The following KIAA0232 variants were observed in gnomAD, a reference collection of about 807,000 sequenced individuals.
KIAA0232 encodes the protein uncharacterized protein KIAA0232.
In KIAA0232, 27 loss-of-function variants were observed where a neutral mutation model predicts 122.0. The ratio of observed to expected loss-of-function variants is 0.22; its 90% CI spans 0.16 to 0.31. The LOEUF (loss-of-function observed/expected upper bound fraction) is 0.31. Among genes scored for constraint, KIAA0232 ranks in the 10% least tolerant of loss-of-function variants. The probability of loss-of-function intolerance (pLI) is 1.00; values close to 1 mark genes in which losing one functional copy is unlikely to be tolerated. For missense variants in KIAA0232, 1,551 were observed against 1,634.2 expected (o/e 0.95, Z 0.88); for synonymous variants, 613 against 587.6 (o/e 1.04, Z -0.63).
In KIAA0232 at chr4:6,861,842, C is replaced by T; in HGVS notation, c.1460C>T (p.Ser487Leu). 1 of 1,614,006 alleles carries T rather than the reference C, an allele frequency of 6.2e-7. No individual in the cohort carries two copies. The highest frequency in any genetic ancestry group is 8.5e-7 in the Non-Finnish European group (1 of 1,179,972). The change falls in exon 7 of 10, where the codon TCA becomes TTA. Residue 487 changes from serine to leucine, a missense_variant. Ser to Leu is a moderately radical substitution (Grantham distance 145). Transcript: ENST00000307659. The part of the protein sequence containing the change: ...INEDIDLTGT[S>L]LCSLPEDNKY... ...GAGGATATTGACCTCACTGGGACCT[C>T]ATTATGTTCTCTACCAGAGGACAAT...
At chr4:6,841,828 C>G in intron 3 of KIAA0232, among the ~76,000 whole-genome samples, 1 of 152,122 alleles carries the variant, frequency 6.6e-6, no homozygotes, top group East Asian at 1.9e-4. Flanking sequence ...AGAAAACATC[C>G]CATGTTTGTG....
At chr4:6,860,837 G>T (rs1041870360) in intron 6 of KIAA0232, 64 bp from the exon 7 acceptor site, 2 of 1,375,868 alleles carry the variant, frequency 1.5e-6, no homozygotes, top group African/African-American at 2.9e-5. Context: ...GGTTGGTAAT[G>T]TTGTTTTACT....
chr4:6,825,784 AAAG>A (rs909883887), intron 3 of KIAA0232, among the ~76,000 whole-genome samples: 2 of 152,146 alleles, frequency 1.3e-5, no homozygotes, highest in Non-Finnish European at 2.9e-5. Context: ...TAGACAGTAA[AAAG>A]AAGGAGGTAT....
Position 6,828,184 on chromosome 4 carries a change from C to T in KIAA0232, c.231+3500C>T, listed in dbSNP as rs372794337. On this transcript the variant is annotated intron_variant, in intron 3 of 9. Coordinates refer to ENST00000307659, the MANE Select transcript of KIAA0232 (RefSeq NM_014743.3). ...TTAATCTTTTTTAAAAAAGTTTAAC[C>T]AGCCTGGGCAACATAGTGAGACTCC... Among the ~76,000 whole-genome samples, 6 of 151,978 alleles carry T rather than the reference C, an allele frequency of 3.9e-5. No individual in the cohort carries two copies. In the East Asian group the frequency reaches 5.8e-4, roughly 15 times the overall value.
rs538585151 is a variant in KIAA0232 at position 6,872,444 on chromosome 4, G to A, written c.3910+762G>A. 1.2e-4 allele frequency among the ~76,000 whole-genome samples: 18 copies of A among 152,286 alleles called. No individual in the cohort carries two copies. In the South Asian group the frequency reaches 1.2e-3, roughly 11 times the overall value. ...GGGAGACAGGAGTGGGCGCTGATGCGGTGAGGAAGATTTTAGTTTAGGGTA... is the reference window on the plus strand; with the variant it reads ...GGGAGACAGGAGTGGGCGCTGATGCAGTGAGGAAGATTTTAGTTTAGGGTA... On this transcript the variant is annotated intron_variant, in intron 8 of 9. Coordinates refer to ENST00000307659, the MANE Select transcript of KIAA0232 (RefSeq NM_014743.3).
At position 6,871,643 on chromosome 4, in the gene KIAA0232, G is replaced by C; in HGVS notation, c.3871G>C (p.Ala1291Pro). 6.2e-7 allele frequency: 1 copy of C among 1,612,370 alleles called. No individual in the cohort carries two copies. The highest frequency in any genetic ancestry group is 8.5e-7 in the Non-Finnish European group (1 of 1,178,408). ...SQEKQTWWEK[A>P]LYSPLFPASE... ...AGAAAAACAGACCTGGTGGGAAAAA[G>C]CCTTGTACTCTCCTCTTTTTCCTGC... The change falls in exon 8 of 10, where the codon GCC (alanine) becomes CCC (proline). Residue 1291 changes from alanine to proline, a missense_variant. Physicochemically the swap from Ala to Pro is conservative, Grantham distance 27. This residue lies in a region of KIAA0232 where 1,108 missense variants were observed against 1,154.8 expected (regional missense o/e 0.96). Coordinates refer to ENST00000307659, the MANE Select transcript of KIAA0232 (RefSeq NM_014743.3).
chr4:6,837,905 A>G (rs1719414930), intron 3 of KIAA0232, among the ~76,000 whole-genome samples: 1 of 114,048 alleles, frequency 8.8e-6, no homozygotes, highest in Non-Finnish European at 2.2e-5. Flanking sequence ...GAGACCGTGC[A>G]AAGGGGAGAG....
chr4:6,795,624 T>A (rs1348261675), intron 1 of KIAA0232, among the ~76,000 whole-genome samples: 1 of 152,198 alleles, frequency 6.6e-6, no homozygotes, highest in East Asian at 1.9e-4. Flanking sequence ...AGCTAGGACA[T>A]CACTGTCACC....
chr4:6,869,749 A>G (rs1480272816), intron 7 of KIAA0232, among the ~76,000 whole-genome samples: 3 of 152,400 alleles, frequency 2.0e-5, no homozygotes, highest in Admixed American at 6.5e-5. Flanking sequence ...TTTTAGTTAC[A>G]TAACAGACAC....
In KIAA0232 at chr4:6,882,901, C is replaced by CCTTGAGCA. The variant is rs1312666628; in HGVS notation, c.*1937_*1944dup. 6.6e-6 allele frequency: 1 copy of CCTTGAGCA among 152,536 alleles called. No individual in the cohort carries two copies. The highest frequency in any genetic ancestry group is 1.5e-5 in the Non-Finnish European group (1 of 68,026). The allele number at this position is 152,536 out of a possible 1,614,324, so 9.4% of individuals were successfully genotyped here. A position where few individuals can be genotyped will look rare whatever the true frequency, so the allele number is the denominator to read the frequency against. On this transcript the variant is annotated 3_prime_UTR_variant, in exon 10 of 10. Transcript: ENST00000307659. ...CCAAATAAATAGATTTCAGACACAACCTTGAGCACAGTTGATTTTGGACAG... is the reference window on the plus strand; with the variant it reads ...CCAAATAAATAGATTTCAGACACAACCTTGAGCACTTGAGCACAGTTGATTTTGGACAG...
At chr4:6,865,947 T>C (rs1174638546) in intron 7 of KIAA0232, among the ~76,000 whole-genome samples, 6 of 152,208 alleles carry the variant, frequency 3.9e-5, no homozygotes, top group African/African-American at 1.4e-4. Context: ...CATGCCTTAC[T>C]TATTTGTCGC....
chr4:6,819,348 C>G (rs1035696194), intron 2 of KIAA0232, among the ~76,000 whole-genome samples: 1 of 151,884 alleles, frequency 6.6e-6, no homozygotes, highest in African/African-American at 2.4e-5. Flanking sequence ...AAAATATTTG[C>G]AAACTGTGCA....
intron 2 of KIAA0232, among the ~76,000 whole-genome samples, chr4:6,808,851 C>T (rs1717751949): frequency 1.3e-5 from 2 of 152,204 alleles, no homozygotes; most frequent in South Asian, 2.1e-4. Flanking sequence ...CAGTTTTGAT[C>T]ACCTGCCAAG....
intron 2 of KIAA0232, among the ~76,000 whole-genome samples, chr4:6,815,807 C>T (rs1367095099): frequency 1.3e-5 from 2 of 152,102 alleles, no homozygotes; most frequent in Non-Finnish European, 2.9e-5. Flanking sequence ...GTTGTAAGAA[C>T]GGTTCTCTTA....
At chr4:6,824,915 G>A (rs1419807957) in intron 3 of KIAA0232, among the ~76,000 whole-genome samples, 1 of 152,150 alleles carries the variant, frequency 6.6e-6, no homozygotes, top group Admixed American at 6.5e-5. Flanking sequence ...CTCACTGTTG[G>A]TTACGTTTTG....
rs772478853 is a variant in KIAA0232 at position 6,861,373 on chromosome 4, C to A, written c.991C>A (p.Gln331Lys). ...TCGAAACAAAAAAGGGCGGAATGGG[C>A]AAAGCAGGCTTTCTTTGAAGCACGG... ...EIRNKKGRNG[Q>K]SRLSLKHGEK... is the part of the protein sequence containing the mutation. Residue 331 changes from glutamine (Q) to lysine (K), a missense_variant, in exon 7 of 10, where the codon CAA (glutamine) becomes AAA (lysine). By Grantham distance (53) the Gln-to-Lys change is moderately conservative (BLOSUM62 1). This residue lies in a region of KIAA0232 where 377 missense variants were observed against 381.7 expected (regional missense o/e 0.99). Coordinates refer to ENST00000307659, the MANE Select transcript of KIAA0232 (RefSeq NM_014743.3). The A allele has an allele frequency of 3.2e-5, 51 of 1,613,998 alleles. No homozygotes were observed. Among genetic ancestry groups the A allele is most frequent in the Non-Finnish European group, 4.1e-5 (48 of 1,180,044 alleles).
At position 6,861,243 on chromosome 4, in the gene KIAA0232, G is replaced by C. The variant is rs374173989; in HGVS notation, c.861G>C (p.Ser287=). 2.5e-6 allele frequency: 4 copies of C among 1,614,018 alleles called. No individual in the cohort carries two copies. The East Asian group carries it at 6.7e-5, about 27-fold the overall frequency. ...HKPEGKIRPR[S]WSSGSSEAGS... is the part of the protein sequence containing the mutation. ...CTGAAGGAAAGATTCGCCCTCGCTC[G>C]TGGTCTTCTGGCTCCAGTGAAGCAG... The change falls in exon 7 of 10, where the codon TCG becomes TCC. Residue 287 remains serine (S), a synonymous_variant. Transcript: ENST00000307659.
At chr4:6,817,009 A>G (rs1718162570) in intron 2 of KIAA0232, among the ~76,000 whole-genome samples, 1 of 152,090 alleles carries the variant, frequency 6.6e-6, no homozygotes, top group South Asian at 2.1e-4. Flanking sequence ...CTAGAGGTTA[A>G]AGAACCTGTT....
Position 6,861,114 on chromosome 4 carries a change from T to G in KIAA0232, c.732T>G (p.His244Gln). The change falls in exon 7 of 10, where the codon CAT (histidine) becomes CAG (glutamine). Residue 244 changes from histidine to glutamine, a missense_variant. Around this residue, in one of 5 missense-constraint regions of KIAA0232, gnomAD observed 377 missense variants for 381.7 expected, o/e 0.99. Transcript: ENST00000307659. Reference sequence around the variant, plus strand: ...GCAGTGAAGTACCCACCACTGTGCATGAGAAAACCCAGAGCAAAAGCAAAA... The same window carrying G: ...GCAGTGAAGTACCCACCACTGTGCAGGAGAAAACCCAGAGCAAAAGCAAAA... ...ERSSEVPTTV[H>Q]EKTQSKSKNE... The G allele has an allele frequency of 6.2e-7, 1 of 1,614,132 alleles. No individual in the cohort carries two copies. Among genetic ancestry groups the G allele is most frequent in the East Asian group, 2.2e-5 (1 of 44,892 alleles).
Sources: gnomAD v4.1 joint callset for allele counts (sites outside exome capture counted in the v4.1 genomes callset) on GRCh38, gnomAD v4.1.1 for gene constraint, gnomAD v4.1.1 regional missense constraint, MANE v1.5 for transcripts, NCBI Gene and HGNC (gene_info 2026-07-23, HGNC 2026-07-21) for gene names.